The following CLOCK variants were observed in gnomAD, a reference collection of about 807,000 sequenced individuals.
The protein encoded by CLOCK is clock circadian regulator.
CLOCK carries 43 observed loss-of-function variants against 118.4 expected under a neutral mutation model. That is an observed-to-expected ratio of 0.36 (90% CI 0.28 to 0.47). The LOEUF (loss-of-function observed/expected upper bound fraction) is 0.47, where lower values mean the gene tolerates loss of function less well. CLOCK is among the 20% of genes least tolerant of loss of function. The pLI, the probability that CLOCK is intolerant of heterozygous loss-of-function variation, is 1.00. For missense variants in CLOCK, 846 were observed against 999.9 expected, an observed-to-expected ratio of 0.85 and a Z score of 2.08; for synonymous variants, 326 against 339.2, an observed-to-expected ratio of 0.96 and a Z score of 0.43.
At chr4:55,501,185 A>G (rs1326874611) in intron 2 of CLOCK, among the ~76,000 whole-genome samples, 1 of 152,180 alleles carries the variant, frequency 6.6e-6, no homozygotes, top group Admixed American at 6.5e-5. Context: ...CAATTCTTCT[A>G]AAGATATGCT....
At position 55,510,039 on chromosome 4, in the gene CLOCK, G is replaced by C. The variant is rs1290429892; in HGVS notation, c.-263C>G. The C allele has an allele frequency of 1.3e-5, 2 of 152,220 alleles. No individual in the cohort carries two copies. Among genetic ancestry groups the C allele is most frequent in the Non-Finnish European group, 2.9e-5 (2 of 68,046 alleles). 9.4% of individuals were successfully genotyped at this position (152,220 alleles called of 1,614,324 possible). On this transcript the variant is annotated 5_prime_UTR_variant, in exon 2 of 23. Coordinates refer to ENST00000513440, the MANE Select transcript of CLOCK (RefSeq NM_004898.4). The stretch of plus-strand genomic sequence containing the variant: ...TGATAGAATCAGCTTCTGAGCTCCA[G>C]CAGCTTTGCAGGAACAAGTAAAAAT...
At chr4:55,449,522 A>T (rs1227760653) in intron 16 of CLOCK, 26 bp from the exon 17 acceptor site, 1 of 1,531,166 alleles carries the variant, frequency 6.5e-7, no homozygotes, top group East Asian at 2.3e-5. Flanking sequence ...TCAGAAGAGC[A>T]TTAGTACTTT....
At chr4:55,532,380 T>C (rs1730607298) in intron 1 of CLOCK, among the ~76,000 whole-genome samples, 1 of 152,106 alleles carries the variant, frequency 6.6e-6, no homozygotes, top group African/African-American at 2.4e-5. Context: ...TATCTCTGTA[T>C]ACAGATGACA....
At chr4:55,457,259 T>C (rs1724987345) in intron 11 of CLOCK, among the ~76,000 whole-genome samples, 1 of 152,242 alleles carries the variant, frequency 6.6e-6, no homozygotes. Flanking sequence ...TATTATTCTA[T>C]ACATGTGTAG....
intron 1 of CLOCK, among the ~76,000 whole-genome samples, chr4:55,542,432 T>C (rs1458186338): frequency 6.7e-6 from 1 of 149,036 alleles, no homozygotes; most frequent in East Asian, 1.9e-4. Context: ...CATACTAGAT[T>C]TCAAAACCAC....
intron 1 of CLOCK, among the ~76,000 whole-genome samples, chr4:55,510,629 T>TTTA (rs1553901170): frequency 8.6e-5 from 9 of 104,294 alleles, no homozygotes; most frequent in African/African-American, 3.7e-4. Context: ...TCTGTCTTTT[T>TTTA]AAAAAAAAAA....
chr4:55,468,628 T>C (rs1370794913), intron 8 of CLOCK, among the ~76,000 whole-genome samples: 2 of 152,208 alleles, frequency 1.3e-5, no homozygotes, highest in Admixed American at 1.3e-4. Flanking sequence ...AGTAATTCTA[T>C]TGAGAAAAAT....
rs78156074 is a variant in CLOCK at position 55,541,034 on chromosome 4, T to G, written c.-290+5748A>C. On this transcript the variant is annotated intron_variant, in intron 1 of 22. Coordinates refer to ENST00000513440, the MANE Select transcript of CLOCK (RefSeq NM_004898.4). ...AATTTCATTTTTCACAAGTGATTTC[T>G]GTAGACTTCTAAGACTTAAAATTAA... is the stretch of plus-strand genomic sequence containing the variant. Among the ~76,000 whole-genome samples, 1,111 of 152,358 alleles carry G rather than the reference T, an allele frequency of 7.3e-3. 8 individuals carry two copies. Among genetic ancestry groups the G allele is most frequent in the South Asian group, 0.019 (92 of 4,828 alleles).
At chr4:55,542,551 G>A (rs1731349660) in intron 1 of CLOCK, among the ~76,000 whole-genome samples, 1 of 151,562 alleles carries the variant, frequency 6.6e-6, no homozygotes, top group Non-Finnish European at 1.5e-5. Flanking sequence ...AAGAATTAAG[G>A]TTTGGTAATT....
chr4:55,546,260 G>A (rs187064584), intron 1 of CLOCK, among the ~76,000 whole-genome samples: 5,124 of 152,150 alleles, frequency 0.034, 105 homozygotes, highest in Non-Finnish European at 0.054. Context: ...AAGCCGCCCG[G>A]CCCCGCCGTG....
chr4:55,483,496 CA>C lies in CLOCK; in HGVS notation c.-43-669del, dbSNP rs1375241003. On this transcript the variant is annotated intron_variant, in intron 3 of 22. Coordinates refer to ENST00000513440, the MANE Select transcript of CLOCK (RefSeq NM_004898.4). ...TCCTCTGAGAGCTTGTTTTCAAAGG[CA>C]AAATCTTAATGAACCAGAATCTACA... 6.6e-5 allele frequency among the ~76,000 whole-genome samples: 10 copies of C among 152,034 alleles called. No homozygotes were observed. The East Asian group carries it at 1.9e-3, about 29-fold the overall frequency.
intron 1 of CLOCK, among the ~76,000 whole-genome samples, chr4:55,522,479 C>T (rs1263333938): frequency 6.7e-6 from 1 of 149,914 alleles, no homozygotes; most frequent in Non-Finnish European, 1.5e-5. Flanking sequence ...CAAAAGATGC[C>T]AACCAGTAAT....
chr4:55,518,647 G>A (rs1314895204), intron 1 of CLOCK, among the ~76,000 whole-genome samples: 1 of 152,126 alleles, frequency 6.6e-6, no homozygotes, highest in East Asian at 1.9e-4. Flanking sequence ...CCTTATAAAA[G>A]GCCTGAGGGA....
chr4:55,475,067 C>A (rs1726410983), intron 7 of CLOCK, among the ~76,000 whole-genome samples: 1 of 152,148 alleles, frequency 6.6e-6, no homozygotes, highest in African/African-American at 2.4e-5. Context: ...CAACTGAAAA[C>A]CTTCTGGAAA....
chr4:55,473,535 TAACTC>T (rs1376321052), intron 7 of CLOCK, among the ~76,000 whole-genome samples: 1 of 152,040 alleles, frequency 6.6e-6, no homozygotes, highest in Admixed American at 6.6e-5. Flanking sequence ...AACAGAAAAA[TAACTC>T]AATTTGCAAA....
chr4:55,483,717 C>T lies in CLOCK; in HGVS notation c.-43-889G>A, dbSNP rs548036110. Among the ~76,000 whole-genome samples, 247 of 152,244 alleles carry T rather than the reference C, an allele frequency of 1.6e-3. 1 individual carries two copies. The highest frequency in any genetic ancestry group is 3.1e-3 in the Admixed American group (47 of 15,284). On this transcript the variant is annotated intron_variant, in intron 3 of 22. Coordinates refer to ENST00000513440, the MANE Select transcript of CLOCK (RefSeq NM_004898.4). Reference sequence around the variant, plus strand: ...GGTTTAGCATTTTCCTTATGAAAAACCTGGGATGTTACAATTTAAAGTTAT... The same window carrying T: ...GGTTTAGCATTTTCCTTATGAAAAATCTGGGATGTTACAATTTAAAGTTAT...
chr4:55,442,287 T>C (rs944711992), intron 21 of CLOCK, 145 bp downstream of exon 21: 20 of 743,904 alleles, frequency 2.7e-5, no homozygotes, highest in African/African-American at 8.8e-5. Context: ...ATACATTCAG[T>C]GTTTTTATTT....
rs1377120921 is a variant in CLOCK, at chr4:55,450,079, A to G, written c.1348+12T>C. ...CTTTAAAGGAAGTCTGCTTTGAAGC[A>G]AGGGTACTCACAGGAAGGGTCTGAG... On this transcript the variant is annotated intron_variant, in intron 16 of 22. Coordinates refer to ENST00000513440, the MANE Select transcript of CLOCK (RefSeq NM_004898.4). 3.7e-6 allele frequency: 6 copies of G among 1,613,992 alleles called. No homozygotes were observed. The highest frequency in any genetic ancestry group is 5.1e-6 in the Non-Finnish European group (6 of 1,179,984).
chr4:55,487,882 C>T (rs970832027), intron 3 of CLOCK, among the ~76,000 whole-genome samples: 4 of 152,202 alleles, frequency 2.6e-5, no homozygotes, highest in Non-Finnish European at 4.4e-5. Flanking sequence ...TTTGTTGCTA[C>T]TGTTTCTTCT....
Sources: allele counts gnomAD v4.1 joint callset (sites outside exome capture counted in the v4.1 genomes callset), GRCh38; gene constraint gnomAD v4.1.1; transcripts MANE v1.5; gene names NCBI Gene and HGNC (gene_info 2026-07-23, HGNC 2026-07-21).